The following MIB1 variants were observed in gnomAD, a reference collection of about 807,000 sequenced individuals.
MIB1 encodes E3 ubiquitin-protein ligase MIB1.
A neutral mutation model predicts 124.5 loss-of-function variants in MIB1; 278 were observed. That is an observed-to-expected ratio of 2.23 (90% confidence interval 2.02 to 2.47). The LOEUF is 2.47. Ranked by LOEUF, MIB1 falls within the 30% of genes most tolerant of loss-of-function variation. The pLI is 0.00. For missense variants in MIB1, 957 were observed against 1,254.4 expected, an observed-to-expected ratio of 0.76 and a Z score of 3.58; for synonymous variants, 446 against 429.4, an observed-to-expected ratio of 1.04 and a Z score of -0.48.
At chr18:21,855,233 A>G (rs916642472) in intron 18 of MIB1, among the ~76,000 whole-genome samples, 5 of 152,222 alleles carry the variant, frequency 3.3e-5, no homozygotes, top group Admixed American at 3.3e-4. Flanking sequence ...GGTGGAACAT[A>G]TGCCTTTCCC....
chr18:21,860,049 G>T (rs1158264348), intron 20 of MIB1, among the ~76,000 whole-genome samples: 1 of 143,990 alleles, frequency 6.9e-6, no homozygotes, highest in Non-Finnish European at 1.5e-5. Flanking sequence ...AAAAATAAGA[G>T]TAACGTTCCA....
chr18:21,759,697 CT>C (rs2041076917), intron 1 of MIB1, among the ~76,000 whole-genome samples: 1 of 152,044 alleles, frequency 6.6e-6, no homozygotes. Context: ...TTACTTTTTA[CT>C]TTTGCTATTA....
rs560817609 is a variant in MIB1 at position 21,715,669 on chromosome 18, A to C, written n.167+10546A>C. On this transcript the variant is annotated intron_variant and non_coding_transcript_variant, in intron 1 of 20. Coordinates refer to the MIB1 transcript ENST00000578646. Reference sequence around the variant, plus strand: ...GTGAAATAGATATCATAAATAAAAAAAATCAAAACTTCAGGAAACAATGGA... The same window carrying C: ...GTGAAATAGATATCATAAATAAAAACAATCAAAACTTCAGGAAACAATGGA... 3.1e-3 allele frequency among the ~76,000 whole-genome samples: 479 copies of C among 152,190 alleles called. 1 individual carries two copies. Among genetic ancestry groups the C allele is most frequent in the Non-Finnish European group, 5.1e-3 (345 of 68,012 alleles).
intron 5 of MIB1, among the ~76,000 whole-genome samples, 197 bp from the exon 6 acceptor site, chr18:21,779,284 G>A (rs2041329501): frequency 6.6e-6 from 1 of 151,954 alleles, no homozygotes; most frequent in Non-Finnish European, 1.5e-5. Context: ...TTCAATTTTT[G>A]AGTCTGTTTG....
chr18:21,791,465 C>G lies in MIB1; in HGVS notation c.1000C>G (p.Gln334Glu). 2 of 1,614,062 alleles carry G rather than the reference C, an allele frequency of 1.2e-6. No individual in the cohort carries two copies. The highest frequency in any genetic ancestry group is 1.7e-6 in the Non-Finnish European group (2 of 1,179,954). ...TGCAGAAGGAGGCACCTCGCAGTTT[C>G]AAGTGGGTGATCTTGTACAAGTTTG... ...QGAEGGTSQF[Q>E]VGDLVQVCYD... The change falls in exon 7 of 21, where the codon CAA becomes GAA. Residue 334 changes from glutamine to glutamate, a missense_variant. Physicochemically the swap from Gln to Glu is conservative, Grantham distance 29 (BLOSUM62 2). Transcript: ENST00000261537.
chr18:21,759,553 A>G (rs1437027887), intron 1 of MIB1, among the ~76,000 whole-genome samples: 2 of 152,074 alleles, frequency 1.3e-5, no homozygotes, highest in Non-Finnish European at 2.9e-5. Context: ...TGTATTCCAT[A>G]TTTAAAAAAA....
chr18:21,802,578 A>T (rs1439622906), intron 9 of MIB1, among the ~76,000 whole-genome samples: 2 of 152,148 alleles, frequency 1.3e-5, no homozygotes, highest in African/African-American at 4.8e-5. Flanking sequence ...GAACATACTA[A>T]TGATAGGTCT....
chr18:21,740,704 T>C (rs1199555450), upstream of MIB1, among the ~76,000 whole-genome samples: 1 of 152,224 alleles, frequency 6.6e-6, no homozygotes, highest in Non-Finnish European at 1.5e-5. Flanking sequence ...ACTCCAGGGA[T>C]CCGCCCCTGG....
intron 4 of MIB1, among the ~76,000 whole-genome samples, chr18:21,775,236 C>T (rs1432670755): frequency 9.2e-5 from 14 of 151,974 alleles, no homozygotes; most frequent in African/African-American, 3.4e-4. Context: ...CGAGCCACCA[C>T]GCCTGGCCTT....
At chr18:21,767,090 TTAGTG>T (rs2041170067) in intron 2 of MIB1, among the ~76,000 whole-genome samples, 1 of 152,154 alleles carries the variant, frequency 6.6e-6, no homozygotes, top group African/African-American at 2.4e-5. Flanking sequence ...TGAGAACAGG[TTAGTG>T]TAGGTAAAAT....
intron 1 of MIB1, among the ~76,000 whole-genome samples, chr18:21,757,341 A>G (rs560237317): frequency 2.1e-3 from 309 of 145,094 alleles, no homozygotes; most frequent in Middle Eastern, 0.011. Flanking sequence ...TATCCCAGCT[A>G]CTTGGGAGGC....
At chr18:21,730,419 T>A (rs1270441024) in intron 1 of MIB1, among the ~76,000 whole-genome samples, 2 of 152,054 alleles carry the variant, frequency 1.3e-5, no homozygotes, top group Admixed American at 6.6e-5. Context: ...ATAAAAAAAA[T>A]TGGCTGGGTG....
chr18:21,824,516 TTAGAGTGTGTTTTCTCTAATGTATGCTC>T (rs2041907477), intron 12 of MIB1, among the ~76,000 whole-genome samples: 1 of 152,154 alleles, frequency 6.6e-6, no homozygotes, highest in South Asian at 2.1e-4. Flanking sequence ...AATAGGATAC[TTAGAGTGTGTTTTCTCTAATGTATGCTC>T]ATGCATCTAC....
intron 1 of MIB1, among the ~76,000 whole-genome samples, chr18:21,714,696 T>C (rs1194109605): frequency 6.6e-6 from 1 of 152,172 alleles, no homozygotes; most frequent in East Asian, 1.9e-4. Flanking sequence ...AAATTGGCCT[T>C]CCACAACATG....
At chr18:21,816,278 G>A (rs1249728916) in intron 11 of MIB1, among the ~76,000 whole-genome samples, 2 of 152,078 alleles carry the variant, frequency 1.3e-5, no homozygotes, top group Admixed American at 6.6e-5. Context: ...ATTTACAGTA[G>A]GATCTAATTT....
intron 18 of MIB1, among the ~76,000 whole-genome samples, chr18:21,854,011 TTAAAAA>T (rs1201513138): frequency 7.1e-5 from 3 of 42,350 alleles, no homozygotes; most frequent in African/African-American, 1.7e-4. Flanking sequence ...AGACTCAGTC[TTAAAAA>T]AAAAAAAAAA....
chr18:21,720,335 G>A (rs551897930), intron 1 of MIB1, among the ~76,000 whole-genome samples: 2 of 152,216 alleles, frequency 1.3e-5, no homozygotes, highest in Admixed American at 1.3e-4. Context: ...ACAATTCTCC[G>A]AATCAATCTG....
chr18:21,754,996 C>T (rs2041015003), intron 1 of MIB1, among the ~76,000 whole-genome samples: 1 of 152,180 alleles, frequency 6.6e-6, no homozygotes, highest in Non-Finnish European at 1.5e-5. Context: ...CTCCGGGACA[C>T]CTGTATCAGC....
intron 1 of MIB1, among the ~76,000 whole-genome samples, chr18:21,719,509 C>T (rs937921129): frequency 3.9e-5 from 6 of 152,050 alleles, no homozygotes; most frequent in African/African-American, 1.4e-4. Flanking sequence ...TGCAGCGGTG[C>T]GATCTCTGCA....
Sources: allele counts gnomAD v4.1 joint callset (sites outside exome capture counted in the v4.1 genomes callset), GRCh38; gene constraint gnomAD v4.1.1; transcripts MANE v1.5; gene names NCBI Gene and HGNC (gene_info 2026-07-23, HGNC 2026-07-21).